TMEFF2: variants seen among roughly 807,000 people sequenced by gnomAD.
The protein encoded by TMEFF2 is tomoregulin-2.
In TMEFF2, 28 loss-of-function variants were observed where a neutral mutation model predicts 53.8. That is an observed-to-expected ratio of 0.52 (90% CI 0.39 to 0.71). TMEFF2 has a LOEUF of 0.71. TMEFF2 is among the 30% of genes least tolerant of loss of function. The pLI is 0.00. For synonymous variants in TMEFF2, 162 were observed against 166.3 expected (o/e 0.97, Z 0.20); for missense variants, 353 against 455.2 (o/e 0.78, Z 2.04).
chr2:192,169,525 A>G (rs1434428210), intron 4 of TMEFF2, among the ~76,000 whole-genome samples: 2 of 152,106 alleles, frequency 1.3e-5, no homozygotes, highest in Non-Finnish European at 2.9e-5. Context: ...AGGATGATGG[A>G]CAGCCATTGC....
chr2:192,127,253 T>A (rs146831939), intron 4 of TMEFF2, among the ~76,000 whole-genome samples: 405 of 152,308 alleles, frequency 2.7e-3, no homozygotes, highest in Non-Finnish European at 3.4e-3. Context: ...CTATTGTTCA[T>A]CAAGGTATAA....
intron 4 of TMEFF2, chr2:192,177,658 A>G (rs2106031259): frequency 1.3e-5 from 2 of 151,108 alleles, no homozygotes; most frequent in South Asian, 4.1e-4. Context: ...GTTACTATGA[A>G]GCACCTCTAA....
chr2:191,988,573 A>G (rs1686032511), intron 7 of TMEFF2, among the ~76,000 whole-genome samples: 1 of 152,208 alleles, frequency 6.6e-6, no homozygotes, highest in African/African-American at 2.4e-5. Context: ...GACTAATAAC[A>G]TGGTCTTTCT....
At chr2:192,072,183 T>C (rs1022764617) in intron 4 of TMEFF2, among the ~76,000 whole-genome samples, 1 of 151,934 alleles carries the variant, frequency 6.6e-6, no homozygotes, top group Admixed American at 6.6e-5. Flanking sequence ...TTGGAACATT[T>C]AGAACAATTT....
At chr2:192,112,169 G>T (rs888162522) in intron 4 of TMEFF2, among the ~76,000 whole-genome samples, 2 of 152,156 alleles carry the variant, frequency 1.3e-5, no homozygotes, top group African/African-American at 4.8e-5. Flanking sequence ...CAGAATGGTA[G>T]ATCCACTGAC....
chr2:191,998,280 C>T lies in TMEFF2; in HGVS notation c.727G>A (p.Ala243Thr), dbSNP rs551205116. ...TTTKSEDGHY[A>T]RTDYAENANK... ...TATGTACCTGCATAATCTGTTCTTGCATAATGCCCATCTTCAGACTTAGTA... is the reference window on the plus strand; with the variant it reads ...TATGTACCTGCATAATCTGTTCTTGTATAATGCCCATCTTCAGACTTAGTA... Residue 243 changes from alanine to threonine, a missense_variant, in exon 7 of 10, where the codon GCA (alanine) becomes ACA (threonine). This residue lies in a region of TMEFF2 where 294 missense variants were observed against 397.3 expected (regional missense o/e 0.74). Coordinates refer to ENST00000272771, the MANE Select transcript of TMEFF2 (RefSeq NM_016192.4). 6.9e-6 allele frequency: 11 copies of T among 1,600,500 alleles called. No homozygotes were observed. The highest frequency in any genetic ancestry group is 8.5e-6 in the Non-Finnish European group (10 of 1,173,898).
intron 4 of TMEFF2, among the ~76,000 whole-genome samples, chr2:192,103,392 A>G (rs1041674030): frequency 5.9e-5 from 9 of 152,008 alleles, no homozygotes; most frequent in Non-Finnish European, 1.3e-4. Flanking sequence ...CGGCCTGGAT[A>G]TGGACCTTTT....
intron 4 of TMEFF2, among the ~76,000 whole-genome samples, chr2:192,101,493 C>T (rs1431848986): frequency 2.6e-5 from 4 of 151,934 alleles, no homozygotes; most frequent in Non-Finnish European, 5.9e-5. Flanking sequence ...TTTATTTTCT[C>T]TACATGAATA....
Position 192,194,327 on chromosome 2 carries a change from G to A in TMEFF2, c.172+26C>T. On this transcript the variant is annotated intron_variant, in intron 1 of 9. Transcript: ENST00000272771. This position sits in a 1 kb window ranked among gnomAD's most constrained non-coding sequence, Gnocchi z 4.2. ...GCGTGTTCTTCTGCGGAGTTAAAGG[G>A]TCGGGGACGGGGGTTCTGGACTTAC... 6.2e-7 allele frequency: 1 copy of A among 1,612,260 alleles called. No individual in the cohort carries two copies. Among genetic ancestry groups the A allele is most frequent in the East Asian group, 2.2e-5 (1 of 44,826 alleles).
chr2:192,136,689 C>T (rs1049407808), intron 4 of TMEFF2, among the ~76,000 whole-genome samples: 2 of 151,892 alleles, frequency 1.3e-5, no homozygotes, highest in African/African-American at 4.8e-5. Context: ...TCCATCTCCC[C>T]GCTCTCTCTC....
At chr2:191,959,075 T>C (rs1288729395) in intron 7 of TMEFF2, among the ~76,000 whole-genome samples, 3 of 152,206 alleles carry the variant, frequency 2.0e-5, no homozygotes, top group Non-Finnish European at 4.4e-5. Flanking sequence ...TAACAAAGCA[T>C]TAAAACATTT....
chr2:192,127,886 CTTAATT>C (rs1037260138), intron 4 of TMEFF2, among the ~76,000 whole-genome samples: 21 of 152,120 alleles, frequency 1.4e-4, no homozygotes, highest in African/African-American at 4.1e-4. Context: ...TTCTTCTAAT[CTTAATT>C]TTAATTTTTA....
intron 5 of TMEFF2, among the ~76,000 whole-genome samples, chr2:192,013,666 T>A (rs1686682438): frequency 6.6e-6 from 1 of 152,136 alleles, no homozygotes; most frequent in Non-Finnish European, 1.5e-5. Flanking sequence ...ACCAGGCTAG[T>A]CTCAAACTCC....
chr2:192,088,781 T>C (rs909353724), intron 4 of TMEFF2, among the ~76,000 whole-genome samples: 4 of 152,094 alleles, frequency 2.6e-5, no homozygotes, highest in African/African-American at 7.2e-5. Context: ...CCAAAGCCTA[T>C]CACATACATT....
chr2:192,144,475 G>C (rs562493808), intron 4 of TMEFF2, among the ~76,000 whole-genome samples: 6 of 152,014 alleles, frequency 3.9e-5, no homozygotes, highest in Non-Finnish European at 7.4e-5. Flanking sequence ...GCAGAGATAG[G>C]AGCCATCTTT....
At chr2:192,129,792 T>C (rs536735428) in intron 4 of TMEFF2, among the ~76,000 whole-genome samples, 14 of 152,338 alleles carry the variant, frequency 9.2e-5, no homozygotes, top group African/African-American at 3.4e-4. Flanking sequence ...CTACAGTACA[T>C]ACATCATAAA....
At chr2:192,163,769 C>T (rs1690687971) in intron 4 of TMEFF2, among the ~76,000 whole-genome samples, 1 of 152,176 alleles carries the variant, frequency 6.6e-6, no homozygotes, top group African/African-American at 2.4e-5. Flanking sequence ...AGTAAACCTA[C>T]ACATTCATTT....
intron 4 of TMEFF2, among the ~76,000 whole-genome samples, chr2:192,123,008 T>C (rs1292421960): frequency 6.6e-6 from 1 of 152,200 alleles, no homozygotes; most frequent in Non-Finnish European, 1.5e-5. Context: ...AAGTTATTTA[T>C]CTATTTTCAT....
intron 7 of TMEFF2, among the ~76,000 whole-genome samples, chr2:191,996,205 T>C (rs1040836754): frequency 2.0e-4 from 30 of 152,078 alleles, no homozygotes; most frequent in African/African-American, 7.0e-4. Context: ...TCTCATGATA[T>C]TTATTGGAAT....
Sources: gnomAD v4.1 joint callset for allele counts (sites outside exome capture counted in the v4.1 genomes callset) on GRCh38, gnomAD v4.1.1 for gene constraint, gnomAD v4.1.1 regional missense constraint, Gnocchi (gnomAD v3.1) non-coding constraint, MANE v1.5 for transcripts, NCBI Gene and HGNC (gene_info 2026-07-23, HGNC 2026-07-21) for gene names.